BRD9: variants seen among roughly 807,000 people sequenced by gnomAD.
BRD9 encodes the protein bromodomain containing 9.
BRD9 carries 47 observed loss-of-function variants against 68.7 expected under a neutral mutation model. The ratio of observed to expected loss-of-function variants is 0.68; its 90% CI spans 0.54 to 0.87. The LOEUF (loss-of-function observed/expected upper bound fraction) is 0.87. BRD9 is among the 40% of genes least tolerant of loss of function. BRD9 has a pLI of 0.00. For synonymous variants in BRD9, 313 were observed against 293.9 expected, an observed-to-expected ratio of 1.06 and a Z score of -0.67; for missense variants, 670 against 748.4, an observed-to-expected ratio of 0.90 and a Z score of 1.22.
chr5:883,707 C>G (rs1045593989), intron 8 of BRD9: 2 of 591,808 alleles, frequency 3.4e-6, no homozygotes, highest in South Asian at 2.0e-5. Flanking sequence ...TCAGTGACCA[C>G]GTGGCCTCCA....
At chr5:881,230 C>T (rs2150599440) in intron 8 of BRD9, 48 bp from the exon 9 acceptor site, 1 of 1,567,484 alleles carries the variant, frequency 6.4e-7, no homozygotes, top group Non-Finnish European at 8.8e-7. Context: ...AGGGGCAGCG[C>T]AGCACAAATG....
rs1164668880 is a variant in BRD9 at position 889,590 on chromosome 5, T to C, written c.458A>G (p.Gln153Arg). Residue 153 changes from glutamine (Q) to arginine (R), a missense_variant, in exon 4 of 16, where the codon CAG (glutamine) becomes CGG (arginine). Transcript: ENST00000467963. Reference protein sequence around the residue: ...QLLEHFLRQLQRKDPHGFFAF... With the variant: ...QLLEHFLRQLRRKDPHGFFAF... ...CTTCAGAAACGCCCCGGTTTACCTC[T>C]GAAGCTGGCGGAGGAAGTGTTCCAG... 2 of 1,613,784 alleles carry C rather than the reference T, an allele frequency of 1.2e-6. No homozygotes were observed. Among genetic ancestry groups the C allele is most frequent in the East Asian group, 4.5e-5 (2 of 44,866 alleles).
rs779900379 is a variant in BRD9, at chr5:864,487, G to A, written c.1775C>T (p.Ala592Val). Reference sequence around the variant, plus strand: ...CTAGAGTTAGGTCTTGGCAGAGGCCGCAGGCTCTGGAGACTGAAGAAACTC... The same window carrying A: ...CTAGAGTTAGGTCTTGGCAGAGGCCACAGGCTCTGGAGACTGAAGAAACTC... ...PYEFLQSPEPAASAKT is the reference protein window; with the variant it reads ...PYEFLQSPEPVASAKT Residue 592 changes from alanine (A) to valine (V), a missense_variant, in exon 16 of 16, where the codon GCG (alanine) becomes GTG (valine). By Grantham distance (64) the Ala-to-Val change is moderately conservative. Coordinates refer to ENST00000467963, the MANE Select transcript of BRD9 (RefSeq NM_023924.5). 2.9e-5 allele frequency: 46 copies of A among 1,612,772 alleles called. No individual in the cohort carries two copies. The highest frequency in any genetic ancestry group is 2.8e-4 in the African/African-American group (21 of 74,920).
At chr5:886,827 T>C (rs1752641981) in intron 6 of BRD9, 120 bp from the exon 7 acceptor site, 2 of 1,546,514 alleles carry the variant, frequency 1.3e-6, no homozygotes, top group Non-Finnish European at 1.8e-6. Flanking sequence ...CAGGGTGCCG[T>C]GACGATGGGA....
intron 8 of BRD9, chr5:881,394 C>T (rs908095077): frequency 1.0e-5 from 6 of 597,364 alleles, no homozygotes; most frequent in Non-Finnish European, 1.8e-5. Context: ...TTAGGCTCCC[C>T]ATGGCCCTGC....
intron 9 of BRD9, among the ~76,000 whole-genome samples, 190 bp downstream of exon 9, chr5:880,917 G>A (rs1189565807): frequency 6.6e-6 from 1 of 152,208 alleles, no homozygotes; most frequent in Non-Finnish European, 1.5e-5. Flanking sequence ...CAGCACCCCC[G>A]CCCCGCGAGA....
At chr5:880,816 A>G (rs545388907) in intron 9 of BRD9, among the ~76,000 whole-genome samples, 2 of 152,298 alleles carry the variant, frequency 1.3e-5, no homozygotes, top group East Asian at 3.9e-4. Flanking sequence ...TCCTGATGCT[A>G]GTGAGGTTTG....
intron 12 of BRD9, among the ~76,000 whole-genome samples, chr5:872,588 A>G (rs1281326537): frequency 6.6e-6 from 1 of 152,112 alleles, no homozygotes; most frequent in Non-Finnish European, 1.5e-5. Context: ...CAGAGTCAGA[A>G]CCACGAGCTG....
At chr5:890,221 G>C (rs572943626) in intron 3 of BRD9, among the ~76,000 whole-genome samples, 11 of 152,204 alleles carry the variant, frequency 7.2e-5, no homozygotes, top group Non-Finnish European at 1.5e-4. Flanking sequence ...GAAAGTGCCT[G>C]AAGAGCCAAA....
chr5:872,423 CAG>C (rs891683578), intron 12 of BRD9, among the ~76,000 whole-genome samples: 1 of 152,214 alleles, frequency 6.6e-6, no homozygotes, highest in African/African-American at 2.4e-5. Context: ...AACTGGAACC[CAG>C]AGAGGAAACC....
At chr5:865,847 C>T (rs1011238064) in intron 14 of BRD9, 24 of 376,844 alleles carry the variant, frequency 6.4e-5, no homozygotes, top group Non-Finnish European at 9.5e-5. Flanking sequence ...CAGACCACGT[C>T]ATGGCACGCA....
intron 11 of BRD9, among the ~76,000 whole-genome samples, chr5:877,780 A>C (rs761362860): frequency 1.3e-5 from 2 of 152,150 alleles, no homozygotes; most frequent in Non-Finnish European, 2.9e-5. Flanking sequence ...TGGGGACTTT[A>C]ACGGCCTTTA....
chr5:864,373 G>A lies in BRD9; in HGVS notation c.*95C>T. On this transcript the variant is annotated 3_prime_UTR_variant, in exon 16 of 16. Transcript: ENST00000467963. ...CGCGGCTGCTTCCCGCATGCCAAAG[G>A]GGACAGGATCAAAGTCCTTGTCTGA... 1 of 1,065,704 alleles carries A rather than the reference G, an allele frequency of 9.4e-7. No homozygotes were observed. The highest frequency in any genetic ancestry group is 1.3e-6 in the Non-Finnish European group (1 of 746,188). The allele number at this position is 1,065,704 out of a possible 1,614,324, so 66.0% of individuals were successfully genotyped here. A position where few individuals can be genotyped will look rare whatever the true frequency, so the allele number is the denominator to read the frequency against.
Position 883,958 on chromosome 5 carries a change from G to C in BRD9, c.946C>G (p.Arg316Gly), listed in dbSNP as rs763145611. 3 of 1,612,904 alleles carry C rather than the reference G, an allele frequency of 1.9e-6. No individual in the cohort carries two copies. Among genetic ancestry groups the C allele is most frequent in the Non-Finnish European group, 2.5e-6 (3 of 1,180,022 alleles). Residue 316 changes from arginine (R) to glycine (G), a missense_variant, in exon 8 of 16, where the codon CGG becomes GGG. By Grantham distance (125) the Arg-to-Gly change is moderately radical. Around this residue, in one of 5 missense-constraint regions of BRD9, gnomAD observed 135 missense variants for 141.2 expected, o/e 0.96. Transcript: ENST00000467963. The part of the protein sequence containing the change: ...AADEARDRIN[R>G]FLPGGKMGYL... ...ACTACCTTGCCGCCTGGGAGGAACCGGTTGATCCTGTCCCGAGCTTCGTCA... is the reference window on the plus strand; with the variant it reads ...ACTACCTTGCCGCCTGGGAGGAACCCGTTGATCCTGTCCCGAGCTTCGTCA...
chr5:881,596 C>T (rs10062956), intron 8 of BRD9: 5,512 of 259,242 alleles, frequency 0.021, 258 homozygotes, highest in African/African-American at 0.11. Context: ...GTTCTGTGTA[C>T]AGGCCATCAG....
intron 14 of BRD9, among the ~76,000 whole-genome samples, chr5:869,879 G>T: frequency 6.6e-6 from 1 of 152,164 alleles, no homozygotes. Flanking sequence ...ACAAGCTGCA[G>T]ACCAGTCCTC....
At position 876,238 on chromosome 5, in the gene BRD9, G is replaced by A. The variant is rs768027027; in HGVS notation, c.1272-26C>T. The A allele has an allele frequency of 7.7e-6, 12 of 1,568,612 alleles. No homozygotes were observed. In the East Asian group the frequency reaches 9.0e-5, roughly 12 times the overall value. ...CTAGAGGGGCCGCGGGAGAAGGTAC[G>A]CTGAAAGGAGCCCTTGTCGCCTGGC... On this transcript the variant is annotated intron_variant, in intron 11 of 15. Transcript: ENST00000467963.
chr5:881,004 T>G lies in BRD9; in HGVS notation c.1042+103A>C, dbSNP rs897037286. ...GGTCGGGAAGCCGGGCAGCCTCTCA[T>G]GCTGCCCCATGGCCATGGCTCAGCT... On this transcript the variant is annotated intron_variant, in intron 9 of 15. Transcript: ENST00000467963. The G allele has an allele frequency of 7.4e-6, 9 of 1,218,844 alleles. No individual in the cohort carries two copies. In the Middle Eastern group the frequency reaches 5.8e-4, roughly 78 times the overall value. The allele number at this position is 1,218,844 out of a possible 1,614,324, so 75.5% of individuals were successfully genotyped here. A position where few individuals can be genotyped will look rare whatever the true frequency, so the allele number is the denominator to read the frequency against.
intron 8 of BRD9, 184 bp from the exon 9 acceptor site, chr5:881,366 G>C: frequency 1.6e-6 from 1 of 626,750 alleles, no homozygotes; most frequent in Non-Finnish European, 2.8e-6. Flanking sequence ...AGCGCGCACA[G>C]GTGCCAAGGA....
Sources: allele counts gnomAD v4.1 joint callset (sites outside exome capture counted in the v4.1 genomes callset), GRCh38; gene constraint gnomAD v4.1.1; regional missense constraint gnomAD v4.1.1; transcripts MANE v1.5; gene names NCBI Gene and HGNC (gene_info 2026-07-23, HGNC 2026-07-21).